Variants in TUNAR observed in about 807,000 individuals in gnomAD.
The protein encoded by TUNAR is protein TUNAR.
intron 2 of TUNAR, among the ~76,000 whole-genome samples, chr14:95,909,939 C>G (rs987407684): frequency 1.3e-5 from 2 of 152,180 alleles, no homozygotes; most frequent in African/African-American, 4.8e-5. Context: ...AGCATGTGAA[C>G]AAATGCACAG....
intron 2 of TUNAR, among the ~76,000 whole-genome samples, chr14:95,901,695 G>A (rs1889356548): frequency 6.6e-6 from 1 of 152,236 alleles, no homozygotes; most frequent in African/African-American, 2.4e-5. Flanking sequence ...TGGCACAGGG[G>A]CTGCAATGAA....
In TUNAR at chr14:95,881,448, A is replaced by G. The variant is rs148662498; in HGVS notation, c.12+4271A>G. ...TGTCGCTAGGCTGCTCCTCCTGAAA[A>G]AGGGACACAATAAAAGTTATGTAAC... On this transcript the variant is annotated intron_variant, in intron 2 of 2. Coordinates refer to ENST00000678517, the Ensembl canonical transcript of TUNAR. 2.0e-5 allele frequency among the ~76,000 whole-genome samples: 3 copies of G among 152,312 alleles called. No individual in the cohort carries two copies. In the East Asian group the frequency reaches 5.8e-4, roughly 29 times the overall value.
exon 3 of TUNAR, chr14:95,923,586 G>C (rs1889734325): frequency 6.6e-6 from 1 of 152,086 alleles, no homozygotes; most frequent in Non-Finnish European, 1.5e-5. Flanking sequence ...CAAATACTTG[G>C]AGAGGCACTC....
intron 2 of TUNAR, among the ~76,000 whole-genome samples, chr14:95,892,124 T>TG (rs1478081748): frequency 6.6e-6 from 1 of 152,234 alleles, no homozygotes; most frequent in African/African-American, 2.4e-5. Flanking sequence ...GCATATCTTT[T>TG]GGGGGGACAC....
chr14:95,901,707 G>A (rs1383775273), intron 2 of TUNAR, among the ~76,000 whole-genome samples: 1 of 152,242 alleles, frequency 6.6e-6, no homozygotes, highest in African/African-American at 2.4e-5. Context: ...TGCAATGAAG[G>A]ACACGATTGC....
chr14:95,902,129 T>C (rs559167799), intron 2 of TUNAR, among the ~76,000 whole-genome samples: 3 of 152,196 alleles, frequency 2.0e-5, no homozygotes, highest in Non-Finnish European at 4.4e-5. Context: ...AGCGGGAATT[T>C]AGATAGCTAG....
exon 1 of TUNAR, chr14:95,876,465 G>C (rs1888878263): frequency 6.6e-6 from 1 of 152,202 alleles, no homozygotes; most frequent in Admixed American, 6.5e-5. Flanking sequence ...CTTAACCTGC[G>C]CCGATTGCTG....
chr14:95,893,028 T>G (rs1889207222), intron 2 of TUNAR, among the ~76,000 whole-genome samples: 1 of 152,184 alleles, frequency 6.6e-6, no homozygotes, highest in African/African-American at 2.4e-5. Context: ...TTCAAGTGAA[T>G]TTCTGAAGAC....
chr14:95,914,645 G>A (rs1287402480), intron 2 of TUNAR, among the ~76,000 whole-genome samples: 3 of 151,796 alleles, frequency 2.0e-5, no homozygotes, highest in Non-Finnish European at 4.4e-5. Flanking sequence ...GAAGTCATGA[G>A]AATGAGCCTC....
intron 2 of TUNAR, among the ~76,000 whole-genome samples, chr14:95,885,558 G>A (rs550309435): frequency 6.6e-6 from 1 of 152,292 alleles, no homozygotes; most frequent in Admixed American, 6.5e-5. Context: ...GCAAGTGTGA[G>A]CAGAAGCACA....
intron 2 of TUNAR, among the ~76,000 whole-genome samples, chr14:95,906,926 G>T (rs1234469462): frequency 6.6e-6 from 1 of 152,174 alleles, no homozygotes; most frequent in Admixed American, 6.5e-5. Flanking sequence ...TAGGGAACCA[G>T]TCTCTTTAAT....
At chr14:95,918,017 G>A (rs1023855649) in intron 2 of TUNAR, among the ~76,000 whole-genome samples, 2 of 152,240 alleles carry the variant, frequency 1.3e-5, no homozygotes, top group East Asian at 3.8e-4. Context: ...TGATTGAGTG[G>A]ATAAATGAAT....
At chr14:95,906,596 T>C (rs1354714590) in intron 2 of TUNAR, among the ~76,000 whole-genome samples, 2 of 152,272 alleles carry the variant, frequency 1.3e-5, no homozygotes, top group African/African-American at 2.4e-5. Flanking sequence ...CTCAGCCTTA[T>C]GCTATCCAAT....
intron 2 of TUNAR, among the ~76,000 whole-genome samples, chr14:95,890,820 T>C (rs1237389354): frequency 3.9e-5 from 6 of 152,242 alleles, no homozygotes; most frequent in Non-Finnish European, 1.5e-5. Context: ...ATTAATCAAA[T>C]TAATCAAATG....
At chr14:95,879,336 T>C (rs116625543) in intron 2 of TUNAR, among the ~76,000 whole-genome samples, 9 of 152,372 alleles carry the variant, frequency 5.9e-5, no homozygotes, top group African/African-American at 2.2e-4. Context: ...GCTTTCATTT[T>C]TGACAGGCTC....
Position 95,922,773 on chromosome 14 carries a change from A to G in TUNAR, c.13-8A>G, listed in dbSNP as rs1889717781. The G allele has an allele frequency of 5.0e-6, 2 of 398,990 alleles. No individual in the cohort carries two copies. Among genetic ancestry groups the G allele is most frequent in the East Asian group, 7.1e-5 (2 of 28,080 alleles). 24.7% of individuals were successfully genotyped at this position (398,990 alleles called of 1,614,324 possible). ...ATCATCTTTTGTGCTGCCTCTTTCC[A>G]ATTACAGGTTAGCCTGGCAAGGAAG... On this transcript the variant is annotated splice_region_variant and splice_polypyrimidine_tract_variant and intron_variant, in intron 2 of 2. Transcript: ENST00000678517.
At chr14:95,907,383 A>T (rs1889443377) in intron 2 of TUNAR, among the ~76,000 whole-genome samples, 1 of 152,232 alleles carries the variant, frequency 6.6e-6, no homozygotes, top group Non-Finnish European at 1.5e-5. Context: ...TTTTGTTTCC[A>T]GAAAGCTTTG....
intron 2 of TUNAR, among the ~76,000 whole-genome samples, chr14:95,904,320 C>T (rs1889399043): frequency 6.6e-6 from 1 of 152,136 alleles, no homozygotes; most frequent in African/African-American, 2.4e-5. Context: ...AGACTGAACC[C>T]AGGCAAGCAG....
chr14:95,876,960 T>C lies in TUNAR; in HGVS notation c.-206T>C, dbSNP rs1888893107. The C allele has an allele frequency of 6.6e-6, 1 of 152,258 alleles. No individual in the cohort carries two copies. The highest frequency in any genetic ancestry group is 1.5e-5 in the Non-Finnish European group (1 of 68,104). The allele number at this position is 152,258 out of a possible 1,614,324, so 9.4% of individuals were successfully genotyped here. On this transcript the variant is annotated 5_prime_UTR_variant, in exon 2 of 3. It removes an upstream start codon present in the reference 5' UTR. Coordinates refer to ENST00000678517, the Ensembl canonical transcript of TUNAR. ...ACCTAGCCAGCGGCAGACGGGGACA[T>C]GAGCAGCGCGCACGGGGTCCCGCGC...
Sources: allele counts gnomAD v4.1 joint callset (sites outside exome capture counted in the v4.1 genomes callset), GRCh38; gene constraint gnomAD v4.1.1; transcripts MANE v1.5; gene names NCBI Gene and HGNC (gene_info 2026-07-23, HGNC 2026-07-21).